The following PIP5K1B variants were observed in gnomAD, a reference collection of about 807,000 sequenced individuals.
PIP5K1B encodes phosphatidylinositol-4-phosphate 5-kinase type 1 beta.
Under a neutral mutation model 67.0 loss-of-function variants are expected in PIP5K1B, and 42 were observed. The observed-to-expected ratio is 0.63, with a 90% confidence interval of 0.49 to 0.81. The LOEUF (loss-of-function observed/expected upper bound fraction) is 0.81, where lower values mean the gene tolerates loss of function less well. PIP5K1B is among the 30% of genes least tolerant of loss of function. The pLI is 0.00. For missense variants in PIP5K1B, 459 were observed against 646.3 expected, an observed-to-expected ratio of 0.71 and a Z score of 3.14; for synonymous variants, 214 against 231.4, an observed-to-expected ratio of 0.92 and a Z score of 0.68.
chr9:68,748,024 C>T (rs1408929596), intron 2 of PIP5K1B, among the ~76,000 whole-genome samples: 1 of 152,166 alleles, frequency 6.6e-6, no homozygotes, highest in Non-Finnish European at 1.5e-5. Flanking sequence ...ACCCCATCCT[C>T]ACTAAGCAGT....
At position 68,975,594 on chromosome 9, in the gene PIP5K1B, A is replaced by G. The variant is rs959054744; in HGVS notation, c.1503-15546A>G. On this transcript the variant is annotated intron_variant, in intron 14 of 15. Transcript: ENST00000265382. ...TCCTTCAGGCATTTATACCACCAGT[A>G]TTAGTTTGCTAAGCTGCCCTTACAA... Among the ~76,000 whole-genome samples, 4 of 152,196 alleles carry G rather than the reference A, an allele frequency of 2.6e-5. No individual in the cohort carries two copies. The South Asian group carries it at 6.2e-4, about 24-fold the overall frequency.
intron 2 of PIP5K1B, chr9:68,782,411 C>T (rs1024672151): frequency 2.4e-5 from 4 of 166,700 alleles, no homozygotes; most frequent in African/African-American, 9.7e-5. Flanking sequence ...ATAAGAATAG[C>T]AAAAATTTTT....
At chr9:69,008,421 C>G (rs1831184071) in intron 15 of PIP5K1B, 26 bp from the exon 16 acceptor site, 1 of 1,612,914 alleles carries the variant, frequency 6.2e-7, no homozygotes, top group Non-Finnish European at 8.5e-7. Flanking sequence ...AATCTAGTCT[C>G]ACACCTGCTT....
At chr9:68,886,433 G>A (rs747518185) in intron 6 of PIP5K1B, among the ~76,000 whole-genome samples, 5 of 152,144 alleles carry the variant, frequency 3.3e-5, no homozygotes, top group Non-Finnish European at 7.3e-5. Flanking sequence ...GCCATCTGAC[G>A]GAAATTTCTT....
intron 8 of PIP5K1B, among the ~76,000 whole-genome samples, chr9:68,913,832 A>G (rs1220521435): frequency 1.3e-5 from 2 of 151,962 alleles, no homozygotes; most frequent in Non-Finnish European, 2.9e-5. Flanking sequence ...ATTTTTTATC[A>G]CTTTTTCAAA....
intron 2 of PIP5K1B, among the ~76,000 whole-genome samples, chr9:68,805,333 C>T (rs1283171419): frequency 1.3e-5 from 2 of 152,180 alleles, no homozygotes; most frequent in Non-Finnish European, 2.9e-5. Flanking sequence ...GGAGTTTCTT[C>T]TGTAGCCACG....
At chr9:68,851,066 G>A (rs1822461045) in intron 4 of PIP5K1B, among the ~76,000 whole-genome samples, 1 of 152,164 alleles carries the variant, frequency 6.6e-6, no homozygotes, top group Non-Finnish European at 1.5e-5. Flanking sequence ...AATACTTTAA[G>A]AGTACAGTAT....
At chr9:68,826,412 T>G (rs1363507432) in intron 4 of PIP5K1B, among the ~76,000 whole-genome samples, 1 of 152,242 alleles carries the variant, frequency 6.6e-6, no homozygotes, top group African/African-American at 2.4e-5. Context: ...GATACTCTGA[T>G]GTTTTTCAAG....
At chr9:68,909,243 A>G (rs999120510) in intron 8 of PIP5K1B, among the ~76,000 whole-genome samples, 2 of 151,970 alleles carry the variant, frequency 1.3e-5, no homozygotes, top group African/African-American at 4.8e-5. Flanking sequence ...ATCCACATAT[A>G]CTCTGTGCTC....
chr9:68,999,860 A>G (rs1198415034), intron 15 of PIP5K1B, among the ~76,000 whole-genome samples: 1 of 152,218 alleles, frequency 6.6e-6, no homozygotes, highest in Non-Finnish European at 1.5e-5. Flanking sequence ...GAGCCCCTAG[A>G]GTTGAAACGT....
Position 68,856,547 on chromosome 9 carries a change from T to G in PIP5K1B, c.70-7290T>G, listed in dbSNP as rs138899553. On this transcript the variant is annotated intron_variant, in intron 4 of 15. Coordinates refer to ENST00000265382, the MANE Select transcript of PIP5K1B (RefSeq NM_003558.4). ...TTCTGACCTCAATTATTTCACGCTG[T>G]TCTTTCTGTCACTGACTTCATTTGT... Among the ~76,000 whole-genome samples, 111 of 152,338 alleles carry G rather than the reference T, an allele frequency of 7.3e-4. 1 individual carries two copies. Among genetic ancestry groups the G allele is most frequent in the Middle Eastern group, 3.4e-3 (1 of 294 alleles).
Position 68,822,688 on chromosome 9 carries a change from G to C in PIP5K1B, c.69+5G>C, listed in dbSNP as rs749150655. ...GAAGAAAAAACCTATAAAAAGGTGA[G>C]TGTGCATTTTATTTTCTAAAGAGGA... On this transcript the variant is annotated splice_donor_5th_base_variant and intron_variant, in intron 4 of 15. Coordinates refer to ENST00000265382, the MANE Select transcript of PIP5K1B (RefSeq NM_003558.4). 3 of 1,602,098 alleles carry C rather than the reference G, an allele frequency of 1.9e-6. No homozygotes were observed. In the African/African-American group the frequency reaches 4.0e-5, roughly 21 times the overall value.
chr9:68,877,495 C>T (rs895461528), intron 6 of PIP5K1B, among the ~76,000 whole-genome samples: 1 of 152,170 alleles, frequency 6.6e-6, no homozygotes, highest in Non-Finnish European at 1.5e-5. Flanking sequence ...ACCCTGGGGG[C>T]TCCTCAGAAT....
chr9:68,778,819 C>T (rs914499250), intron 2 of PIP5K1B, among the ~76,000 whole-genome samples: 2 of 152,238 alleles, frequency 1.3e-5, no homozygotes, highest in African/African-American at 4.8e-5. Flanking sequence ...TTCAGCGGCA[C>T]TGCCCTTTTT....
At chr9:68,792,628 G>A (rs933347773) in intron 2 of PIP5K1B, among the ~76,000 whole-genome samples, 2 of 151,990 alleles carry the variant, frequency 1.3e-5, no homozygotes, top group African/African-American at 4.8e-5. Context: ...ACAGGCACCC[G>A]CCACCATGCC....
chr9:68,891,435 C>T (rs1257070291), intron 7 of PIP5K1B, among the ~76,000 whole-genome samples: 1 of 150,238 alleles, frequency 6.7e-6, no homozygotes, highest in African/African-American at 2.4e-5. Flanking sequence ...TAAAAATTGG[C>T]AGGGGAGTTT....
chr9:68,923,191 A>T (rs891100918), intron 11 of PIP5K1B, 111 bp from the exon 12 acceptor site: 6 of 720,906 alleles, frequency 8.3e-6, no homozygotes, highest in Admixed American at 2.5e-5. Flanking sequence ...TCTCTGGGCC[A>T]CCTTTGGTTA....
chr9:68,904,516 G>A (rs1343730618), intron 8 of PIP5K1B, among the ~76,000 whole-genome samples: 4 of 152,292 alleles, frequency 2.6e-5, no homozygotes, highest in Admixed American at 6.5e-5. Flanking sequence ...TTAATGAAAA[G>A]CATAATCAAG....
chr9:68,890,483 C>T (rs1587623546), intron 7 of PIP5K1B, among the ~76,000 whole-genome samples: 1 of 152,222 alleles, frequency 6.6e-6, no homozygotes, highest in East Asian at 1.9e-4. Context: ...TTTAAAAATG[C>T]ATTCATCAGA....
Sources: allele counts gnomAD v4.1 joint callset (sites outside exome capture counted in the v4.1 genomes callset), GRCh38; gene constraint gnomAD v4.1.1; transcripts MANE v1.5; gene names NCBI Gene and HGNC (gene_info 2026-07-23, HGNC 2026-07-21).